SOX5: variants seen among roughly 807,000 people sequenced by gnomAD.
SOX5 encodes SRY-box transcription factor 5, also known as transcription factor SOX-5.
In SOX5, 9 loss-of-function variants were observed where a neutral mutation model predicts 92.0. The ratio of observed to expected loss-of-function variants is 0.10; its 90% CI spans 0.06 to 0.17. SOX5 has a LOEUF of 0.17. SOX5 is among the 10% of genes least tolerant of loss of function. SOX5 has a pLI of 1.00. For missense variants in SOX5, 642 were observed against 944.5 expected, an observed-to-expected ratio of 0.68 and a Z score of 4.20; for synonymous variants, 344 against 336.3, an observed-to-expected ratio of 1.02 and a Z score of -0.25.
intron 1 of SOX5, among the ~76,000 whole-genome samples, chr12:24,502,426 C>T (rs1220827085): frequency 6.6e-6 from 1 of 152,094 alleles, no homozygotes; most frequent in Non-Finnish European, 1.5e-5. Flanking sequence ...TAAACCATAA[C>T]ACAAAACTAA....
At chr12:24,470,993 T>C (rs981740628) in intron 1 of SOX5, among the ~76,000 whole-genome samples, 3 of 152,224 alleles carry the variant, frequency 2.0e-5, no homozygotes, top group African/African-American at 7.2e-5. Context: ...AGCATTTTGA[T>C]CCATTACCAT....
rs138160196 is a variant in SOX5 at position 24,504,213 on chromosome 12, G to A, written c.-251+58116C>T. Among the ~76,000 whole-genome samples, 30 of 152,212 alleles carry A rather than the reference G, an allele frequency of 2.0e-4. No homozygotes were observed. In the East Asian group the frequency reaches 5.8e-3, roughly 29 times the overall value. On this transcript the variant is annotated intron_variant, in intron 1 of 4. Coordinates refer to the SOX5 transcript ENST00000446891. ...TGAACAATTTAACATCAATACTTAT[G>A]TCCTTAAAATAGGAATTTATCAGAC...
At chr12:24,295,894 TTTGGTGTATCTAATATG>T (rs1947171745) in intron 2 of SOX5, among the ~76,000 whole-genome samples, 1 of 152,132 alleles carries the variant, frequency 6.6e-6, no homozygotes, top group African/African-American at 2.4e-5. Context: ...GTACCTCTTA[TTTGGTGTATCTAATATG>T]CTGCCTATAG....
At chr12:23,765,593 G>A (rs2094700362) in intron 3 of SOX5, among the ~76,000 whole-genome samples, 3 of 151,726 alleles carry the variant, frequency 2.0e-5, no homozygotes, top group African/African-American at 7.3e-5. Flanking sequence ...AATGATAAAG[G>A]CAGTGGTTAT....
chr12:24,041,495 G>T (rs953793109), intron 4 of SOX5, among the ~76,000 whole-genome samples: 3 of 152,124 alleles, frequency 2.0e-5, no homozygotes, highest in Admixed American at 6.5e-5. Flanking sequence ...GGATTCTTAT[G>T]ATTAAAGGCT....
At chr12:23,702,421 T>C (rs1267000243) in intron 6 of SOX5, among the ~76,000 whole-genome samples, 1 of 152,046 alleles carries the variant, frequency 6.6e-6, no homozygotes, top group Non-Finnish European at 1.5e-5. Context: ...AACTGAGTGG[T>C]AGTAGTTACT....
At chr12:24,170,034 C>T (rs11047293) in intron 4 of SOX5, among the ~76,000 whole-genome samples, 45,982 of 151,900 alleles carry the variant, frequency 0.3, 8,090 homozygotes, top group East Asian at 0.84. Context: ...AATTTTTTTT[C>T]AGAGGAGAGT....
intron 2 of SOX5, among the ~76,000 whole-genome samples, chr12:24,300,888 C>G (rs1258309061): frequency 6.6e-6 from 1 of 152,190 alleles, no homozygotes; most frequent in Non-Finnish European, 1.5e-5. Context: ...TGTGCCTTAA[C>G]TGGAATTTAA....
At chr12:24,133,763 G>A (rs960684934) in intron 4 of SOX5, among the ~76,000 whole-genome samples, 4 of 152,066 alleles carry the variant, frequency 2.6e-5, no homozygotes, top group Admixed American at 1.3e-4. Context: ...TGGCCCTCTC[G>A]GGTAGTTCTA....
At chr12:24,316,277 T>G (rs991262702) in intron 2 of SOX5, among the ~76,000 whole-genome samples, 1 of 152,162 alleles carries the variant, frequency 6.6e-6, no homozygotes, top group Non-Finnish European at 1.5e-5. Flanking sequence ...GGGTCTATCG[T>G]GACACCCAGT....
chr12:24,231,721 C>T (rs1159957126), intron 3 of SOX5, among the ~76,000 whole-genome samples: 5 of 152,086 alleles, frequency 3.3e-5, no homozygotes, highest in South Asian at 2.1e-4. Context: ...ATGAAAGGGC[C>T]CACAGTTATA....
chr12:23,809,745 G>T (rs1316373415), intron 3 of SOX5, among the ~76,000 whole-genome samples: 2 of 141,708 alleles, frequency 1.4e-5, no homozygotes, highest in Admixed American at 7.3e-5. Context: ...GGTTACATCA[G>T]TGACAAATGA....
chr12:24,168,494 G>T (rs1365126201), intron 4 of SOX5, among the ~76,000 whole-genome samples: 1 of 152,098 alleles, frequency 6.6e-6, no homozygotes, highest in Non-Finnish European at 1.5e-5. Flanking sequence ...ACTAAAATAA[G>T]CTGCTTTTAT....
At position 23,530,290 on chromosome 12, in the gene SOX5, T is replaced by C. The variant is rs1938697852; in HGVS notation, c.*3929A>G. 1.3e-5 allele frequency: 2 copies of C among 152,250 alleles called. No individual in the cohort carries two copies. Among genetic ancestry groups the C allele is most frequent in the Admixed American group, 1.3e-4 (2 of 15,282 alleles). 9.4% of individuals were successfully genotyped at this position (152,250 alleles called of 1,614,324 possible). On this transcript the variant is annotated 3_prime_UTR_variant, in exon 15 of 15. Transcript: ENST00000451604. ...AATGAGTGAAAGTGTAATTATTTTT[T>C]ATGTTTTAAATGTGATATAAGAGGT...
At chr12:23,659,606 A>C (rs557732683) in intron 7 of SOX5, among the ~76,000 whole-genome samples, 1 of 152,328 alleles carries the variant, frequency 6.6e-6, no homozygotes, top group East Asian at 1.9e-4. Flanking sequence ...GACTAACTAC[A>C]TTTTCTAAAA....
chr12:24,340,068 G>C (rs1333638933), intron 2 of SOX5, among the ~76,000 whole-genome samples: 1 of 152,172 alleles, frequency 6.6e-6, no homozygotes, highest in Non-Finnish European at 1.5e-5. Context: ...GCCACCATCA[G>C]CCCATGTCCA....
At chr12:24,104,005 G>A (rs1288041583) in intron 4 of SOX5, among the ~76,000 whole-genome samples, 1 of 152,184 alleles carries the variant, frequency 6.6e-6, no homozygotes, top group Non-Finnish European at 1.5e-5. Flanking sequence ...CCCAGAACAA[G>A]CCAGAAGGGT....
rs572888313 is a variant in SOX5 at position 24,396,837 on chromosome 12, G to A, written c.-250-28198C>T. Among the ~76,000 whole-genome samples the A allele has an allele frequency of 1.7e-3, 258 of 152,358 alleles. 1 individual carries two copies. The highest frequency in any genetic ancestry group is 5.7e-3 in the African/African-American group (239 of 41,594). The stretch of plus-strand genomic sequence containing the variant: ...GTGTTTTTGTGGTGACTGCAAAAAT[G>A]CAAAATGTGTCTGCCAGAGGGAGAT... On this transcript the variant is annotated intron_variant, in intron 1 of 4. Transcript: ENST00000446891.
intron 1 of SOX5, among the ~76,000 whole-genome samples, chr12:24,448,733 C>A (rs1941851973): frequency 6.6e-6 from 1 of 152,066 alleles, no homozygotes. Context: ...TGTGGGTAGA[C>A]CTTTTTAACT....
Sources: gnomAD v4.1 joint callset for allele counts (sites outside exome capture counted in the v4.1 genomes callset) on GRCh38, gnomAD v4.1.1 for gene constraint, MANE v1.5 for transcripts, NCBI Gene and HGNC (gene_info 2026-07-23, HGNC 2026-07-21) for gene names.